The following AFG2A variants were observed in gnomAD, a reference collection of about 807,000 sequenced individuals.
The protein encoded by AFG2A is AAA ATPase AFG2A.
chr4:122,923,289 C>T, the AFG2A span: 1 of 1,613,864 alleles, frequency 6.2e-7, no homozygotes, highest in Non-Finnish European at 8.5e-7. Flanking sequence ...TGACGGTGAC[C>T]AACTTATTAG....
chr4:123,192,226 C>T, the AFG2A span, among the ~76,000 whole-genome samples: 25 of 152,026 alleles, frequency 1.6e-4, 1 homozygote, highest in East Asian at 4.3e-3. Context: ...AGGGTTTCAC[C>T]ATGTTGGCCA....
At chr4:122,995,011 T>C in the AFG2A span, among the ~76,000 whole-genome samples, 1 of 152,150 alleles carries the variant, frequency 6.6e-6, no homozygotes, top group Non-Finnish European at 1.5e-5. Flanking sequence ...TTGAGTTTCA[T>C]AGGATGAGCT....
the AFG2A span, among the ~76,000 whole-genome samples, chr4:123,144,036 A>G: frequency 6.6e-6 from 1 of 151,998 alleles, no homozygotes; most frequent in African/African-American, 2.4e-5. Context: ...ACTAGGAAGT[A>G]TTTCCACAGA....
the AFG2A span, among the ~76,000 whole-genome samples, chr4:123,147,915 C>T: frequency 0.68 from 102,622 of 152,022 alleles, 37,642 homozygotes; most frequent in East Asian, 0.97. Context: ...TGAGTGAACA[C>T]TTTTTAAAAT....
the AFG2A span, among the ~76,000 whole-genome samples, chr4:123,301,196 T>G: frequency 6.6e-6 from 1 of 152,198 alleles, no homozygotes; most frequent in Non-Finnish European, 1.5e-5. Context: ...TTTCAATGTA[T>G]TCTTAGATCC....
At chr4:123,173,777 C>T in the AFG2A span, among the ~76,000 whole-genome samples, 1 of 151,846 alleles carries the variant, frequency 6.6e-6, no homozygotes, top group African/African-American at 2.4e-5. Flanking sequence ...ATATAATTGT[C>T]TAAAAGTATG....
At chr4:122,924,864 GA>G in the AFG2A span, among the ~76,000 whole-genome samples, 133 of 151,978 alleles carry the variant, frequency 8.8e-4, no homozygotes, top group African/African-American at 2.9e-3. Flanking sequence ...GAAAAATAAG[GA>G]AAAATTTTTA....
At chr4:123,237,789 C>T in the AFG2A span, among the ~76,000 whole-genome samples, 1 of 151,584 alleles carries the variant, frequency 6.6e-6, no homozygotes, top group South Asian at 2.1e-4. Context: ...TCTGCGTTTC[C>T]AACTGGGGTG....
chr4:123,026,427 A>T, the AFG2A span, among the ~76,000 whole-genome samples: 8 of 152,236 alleles, frequency 5.3e-5, no homozygotes, highest in South Asian at 1.7e-3. Flanking sequence ...AAATACTAAC[A>T]CGAACGATAG....
chr4:123,256,293 T>A, the AFG2A span: 1 of 1,256,976 alleles, frequency 8.0e-7, no homozygotes, highest in Non-Finnish European at 1.1e-6. Context: ...CTAAGAAATC[T>A]TGAAACAGGA....
the AFG2A span, among the ~76,000 whole-genome samples, chr4:123,205,045 T>C: frequency 6.6e-6 from 1 of 152,170 alleles, no homozygotes; most frequent in Non-Finnish European, 1.5e-5. Context: ...TGTCAAGAAA[T>C]TGAGTATTTT....
chr4:123,177,814 A>G, the AFG2A span, among the ~76,000 whole-genome samples: 3 of 152,174 alleles, frequency 2.0e-5, no homozygotes, highest in Non-Finnish European at 4.4e-5. Flanking sequence ...TGTTTCAACC[A>G]CATTGAGCCG....
the AFG2A span, among the ~76,000 whole-genome samples, chr4:123,243,708 G>A: frequency 3.9e-5 from 6 of 151,994 alleles, no homozygotes; most frequent in African/African-American, 1.5e-4. Context: ...TAATAAACCT[G>A]CACGTTGTGC....
chr4:122,974,836 C>T, the AFG2A span, among the ~76,000 whole-genome samples: 421 of 152,050 alleles, frequency 2.8e-3, 4 homozygotes, highest in Non-Finnish European at 3.4e-3. Context: ...GACGTGGTTT[C>T]TCCATGTTGG....
the AFG2A span, among the ~76,000 whole-genome samples, chr4:123,127,817 G>A: frequency 6.6e-6 from 1 of 152,092 alleles, no homozygotes; most frequent in African/African-American, 2.4e-5. Flanking sequence ...CTAAAATGTA[G>A]TTTGGAAAGT....
At chr4:123,041,768 T>C in the AFG2A span, among the ~76,000 whole-genome samples, 1 of 152,006 alleles carries the variant, frequency 6.6e-6, no homozygotes, top group African/African-American at 2.4e-5. Flanking sequence ...CCTTAGGTGA[T>C]CCGCCCACCT....
chr4:123,017,968 C>G, the AFG2A span, among the ~76,000 whole-genome samples: 1 of 152,190 alleles, frequency 6.6e-6, no homozygotes, highest in Non-Finnish European at 1.5e-5. Context: ...TTTCTAATGT[C>G]TGTAGCTCAG....
the AFG2A span, among the ~76,000 whole-genome samples, chr4:123,075,987 A>G: frequency 7.4e-6 from 1 of 135,090 alleles, no homozygotes; most frequent in East Asian, 2.4e-4. Context: ...AAAAAAAAAA[A>G]CAAAAAAAAA....
At chr4:123,132,882 G>A in the AFG2A span, among the ~76,000 whole-genome samples, 3 of 149,762 alleles carry the variant, frequency 2.0e-5, no homozygotes, top group Admixed American at 6.7e-5. Context: ...CTGGGTTCAC[G>A]CCATTCTCCT....
Sources: gnomAD v4.1 joint callset for allele counts (sites outside exome capture counted in the v4.1 genomes callset) on GRCh38, gnomAD v4.1.1 for gene constraint, MANE v1.5 for transcripts, NCBI Gene and HGNC (gene_info 2026-07-23, HGNC 2026-07-21) for gene names.